ANKRD45: variants seen among roughly 807,000 people sequenced by gnomAD.
The protein encoded by ANKRD45 is ankyrin repeat domain 45.
Under a neutral mutation model 28.1 loss-of-function variants are expected in ANKRD45, and 21 were observed. That is an observed-to-expected ratio of 0.75 (90% CI 0.53 to 1.08). The LOEUF (loss-of-function observed/expected upper bound fraction) is 1.08. Ranked by LOEUF, ANKRD45 falls within the 50% of genes least tolerant of loss-of-function variation. The pLI is 0.00. For synonymous variants in ANKRD45, 86 were observed against 103.9 expected, an observed-to-expected ratio of 0.83 and a Z score of 1.05; for missense variants, 261 against 308.7, an observed-to-expected ratio of 0.85 and a Z score of 1.16.
Position 173,608,672 on chromosome 1 carries a change from A to G in ANKRD45, c.*1473T>C, listed in dbSNP as rs568596643. Among the ~76,000 whole-genome samples the G allele has an allele frequency of 6.6e-6, 1 of 151,104 alleles. No homozygotes were observed. The highest frequency in any genetic ancestry group is 1.5e-5 in the Non-Finnish European group (1 of 67,854). On this transcript the variant is annotated 3_prime_UTR_variant, in exon 6 of 6. Transcript: ENST00000333279. ...CATGGTGGGAGGATCACTTGAGTGC[A>G]GGAGTTACAGGTTACAGTGAGCTAT...
At chr1:173,622,645 C>T (rs1046029710) in intron 5 of ANKRD45, among the ~76,000 whole-genome samples, 1 of 152,098 alleles carries the variant, frequency 6.6e-6, no homozygotes, top group African/African-American at 2.4e-5. Flanking sequence ...ACACCTTATA[C>T]AAAAATTAAC....
At chr1:173,695,884 A>G in the ANKRD45 span, among the ~76,000 whole-genome samples, 1 of 152,188 alleles carries the variant, frequency 6.6e-6, no homozygotes, top group Non-Finnish European at 1.5e-5. Context: ...ATTCCCACCC[A>G]GTAAATTTTA....
At chr1:173,619,199 A>AC (rs1223869533) in intron 5 of ANKRD45, among the ~76,000 whole-genome samples, 3 of 152,240 alleles carry the variant, frequency 2.0e-5, no homozygotes, top group African/African-American at 2.4e-5. Flanking sequence ...AAGTACACAG[A>AC]CCAGTGACAC....
chr1:173,675,498 C>T, the ANKRD45 span: 1 of 163,948 alleles, frequency 6.1e-6, no homozygotes, highest in African/African-American at 2.4e-5. Flanking sequence ...CCTGTAATCC[C>T]AGCTACTTAG....
At chr1:173,680,830 A>G in the ANKRD45 span, among the ~76,000 whole-genome samples, 1 of 151,952 alleles carries the variant, frequency 6.6e-6, no homozygotes, top group East Asian at 1.9e-4. Flanking sequence ...GACATGCATG[A>G]AGCTGGAAAC....
the ANKRD45 span, among the ~76,000 whole-genome samples, chr1:173,676,337 A>C: frequency 1.3e-5 from 2 of 152,262 alleles, no homozygotes; most frequent in Admixed American, 6.5e-5. Flanking sequence ...ACTTTTGTTC[A>C]TAGGAGTACA....
At chr1:173,625,501 G>A (rs781081169) in intron 4 of ANKRD45, among the ~76,000 whole-genome samples, 1 of 152,100 alleles carries the variant, frequency 6.6e-6, no homozygotes, top group Admixed American at 6.6e-5. Context: ...TTATCTCATC[G>A]CACATATGCA....
chr1:173,633,611 A>G (rs1022799260), intron 3 of ANKRD45, among the ~76,000 whole-genome samples: 5 of 152,140 alleles, frequency 3.3e-5, no homozygotes, highest in South Asian at 2.1e-4. Context: ...CTACAGAGCT[A>G]TAGTAACCAA....
the ANKRD45 span, among the ~76,000 whole-genome samples, chr1:173,694,727 T>C: frequency 6.6e-6 from 1 of 152,044 alleles, no homozygotes; most frequent in Non-Finnish European, 1.5e-5. Context: ...CTCTTCCCCC[T>C]TCAGGGTCTC....
At chr1:173,668,927 T>C (rs1386021275) in intron 1 of ANKRD45, among the ~76,000 whole-genome samples, 2 of 152,230 alleles carry the variant, frequency 1.3e-5, no homozygotes, top group African/African-American at 4.8e-5. Flanking sequence ...TTACTAATTA[T>C]GTGACTTTTC....
intron 2 of ANKRD45, among the ~76,000 whole-genome samples, chr1:173,649,446 G>T (rs1023107481): frequency 2.0e-5 from 3 of 152,080 alleles, no homozygotes; most frequent in Non-Finnish European, 4.4e-5. Context: ...GCTTTTAATA[G>T]TGAAGTTAAA....
At chr1:173,678,099 A>C in the ANKRD45 span, among the ~76,000 whole-genome samples, 5 of 152,216 alleles carry the variant, frequency 3.3e-5, no homozygotes, top group Admixed American at 6.5e-5. Flanking sequence ...AACCAAAAAA[A>C]GTCCAGGACA....
the ANKRD45 span, among the ~76,000 whole-genome samples, chr1:173,709,378 C>T: frequency 3.9e-5 from 6 of 152,292 alleles, no homozygotes; most frequent in South Asian, 1.2e-3. Context: ...GCTTACTTCC[C>T]TCAGAAAAAG....
At chr1:173,701,791 G>C in the ANKRD45 span, among the ~76,000 whole-genome samples, 1 of 151,904 alleles carries the variant, frequency 6.6e-6, no homozygotes, top group Non-Finnish European at 1.5e-5. Context: ...TTGTGCACAT[G>C]TACCCTAGAA....
At chr1:173,686,026 A>T in the ANKRD45 span, among the ~76,000 whole-genome samples, 1 of 152,160 alleles carries the variant, frequency 6.6e-6, no homozygotes, top group Non-Finnish European at 1.5e-5. Flanking sequence ...ACAGCATAAA[A>T]GCTCTACATC....
the ANKRD45 span, among the ~76,000 whole-genome samples, chr1:173,697,591 A>T: frequency 6.6e-6 from 1 of 152,190 alleles, no homozygotes; most frequent in African/African-American, 2.4e-5. Context: ...GGAGAAATAA[A>T]ATCCTTTACA....
Position 173,613,571 on chromosome 1 carries a change from C to CA in ANKRD45, c.731-3357_731-3356insT, listed in dbSNP as rs1242233211. Among the ~76,000 whole-genome samples the CA allele has an allele frequency of 2.8e-4, 42 of 149,624 alleles. 2 individuals carry two copies. The highest frequency in any genetic ancestry group is 9.6e-4 in the African/African-American group (39 of 40,464). On this transcript the variant is annotated intron_variant, in intron 5 of 5. Coordinates refer to ENST00000333279, the MANE Select transcript of ANKRD45 (RefSeq NM_198493.3). ...GGGAGGTGGGGGGTCAGCCCCCCCC[C>CA]CGGCCAGCCGCCCCGTCCGGGAGGG... is the stretch of plus-strand genomic sequence containing the variant.
chr1:173,637,058 G>T, intron 3 of ANKRD45: 1 of 1,409,588 alleles, frequency 7.1e-7, no homozygotes, highest in Non-Finnish European at 9.7e-7. Flanking sequence ...TGCAAATGTA[G>T]CTTAGTCAAT....
At chr1:173,685,339 G>C in the ANKRD45 span, among the ~76,000 whole-genome samples, 67 of 152,282 alleles carry the variant, frequency 4.4e-4, 1 homozygote, top group Admixed American at 1.8e-3. Flanking sequence ...GGATGCCCTC[G>C]GGGGCTGACC....
Sources: allele counts gnomAD v4.1 joint callset (sites outside exome capture counted in the v4.1 genomes callset), GRCh38; gene constraint gnomAD v4.1.1; transcripts MANE v1.5; gene names NCBI Gene and HGNC (gene_info 2026-07-23, HGNC 2026-07-21).